CLPB: variants seen among roughly 807,000 people sequenced by gnomAD.
CLPB encodes ClpB family mitochondrial disaggregase, also known as mitochondrial disaggregase.
In CLPB, 40 loss-of-function variants were observed where a neutral mutation model predicts 78.4. The observed-to-expected ratio is 0.51, with a 90% CI of 0.40 to 0.66. CLPB has a LOEUF of 0.66. Ranked by LOEUF, CLPB falls within the 30% of genes least tolerant of loss-of-function variation. The pLI is 0.00. For synonymous variants in CLPB, 333 were observed against 348.0 expected, an observed-to-expected ratio of 0.96 and a Z score of 0.48; for missense variants, 780 against 886.9, an observed-to-expected ratio of 0.88 and a Z score of 1.53.
chr11:72,345,822 C>T (rs747816022), intron 5 of CLPB, among the ~76,000 whole-genome samples: 1 of 152,180 alleles, frequency 6.6e-6, no homozygotes, highest in Non-Finnish European at 1.5e-5. Flanking sequence ...CAGTATTTGA[C>T]TATATACTCT....
At chr11:72,363,500 G>A (rs117421348) in intron 4 of CLPB, 2,506 of 152,330 alleles carry the variant, frequency 0.016, 66 homozygotes, top group Non-Finnish European at 0.019. Context: ...ATGTGAACAT[G>A]TTTCCATGAG....
At chr11:72,298,933 G>A (rs1343163674) in intron 11 of CLPB, among the ~76,000 whole-genome samples, 4 of 152,140 alleles carry the variant, frequency 2.6e-5, no homozygotes, top group East Asian at 1.9e-4. Context: ...TGTGGCTTCC[G>A]TTAACCTCTC....
chr11:72,384,618 A>G (rs1265368031), intron 3 of CLPB, among the ~76,000 whole-genome samples: 1 of 152,186 alleles, frequency 6.6e-6, no homozygotes, highest in South Asian at 2.1e-4. Context: ...GATTAAAAAG[A>G]GTAAGACCCT....
At chr11:72,381,514 C>G (rs976334575) in intron 3 of CLPB, among the ~76,000 whole-genome samples, 1 of 152,180 alleles carries the variant, frequency 6.6e-6, no homozygotes, top group Non-Finnish European at 1.5e-5. Flanking sequence ...CCTACAGACT[C>G]AGGCTTCAGG....
intron 4 of CLPB, among the ~76,000 whole-genome samples, chr11:72,362,827 C>T (rs1950865518): frequency 6.6e-6 from 1 of 152,164 alleles, no homozygotes; most frequent in South Asian, 2.1e-4. Context: ...TTGAGGAATC[C>T]TGCATATACT....
chr11:72,290,353 A>C lies in CLPB; in HGVS notation c.*3014T>G, dbSNP rs1208486281. The C allele has an allele frequency of 6.6e-5, 10 of 152,238 alleles. No homozygotes were observed. The highest frequency in any genetic ancestry group is 1.5e-4 in the Non-Finnish European group (10 of 68,042). 9.4% of individuals were successfully genotyped at this position (152,238 alleles called of 1,614,324 possible). ...AACAGATATCCACTCATTCATACTG[A>C]TATAAATTATCAAATAAATAAATGG... is the stretch of plus-strand genomic sequence containing the variant. On this transcript the variant is annotated 3_prime_UTR_variant, in exon 16 of 16. Transcript: ENST00000538039.
At chr11:72,317,498 T>G (rs556776831) in intron 6 of CLPB, among the ~76,000 whole-genome samples, 1 of 152,234 alleles carries the variant, frequency 6.6e-6, no homozygotes, top group Non-Finnish European at 1.5e-5. Context: ...CAAGCCCAGC[T>G]TTATCACTTA....
Position 72,294,433 on chromosome 11 carries a change from C to G in CLPB, c.1572G>C (p.Arg524=). Residue 524 remains arginine, a synonymous_variant, in exon 14 of 16, where the codon CGG becomes CGC. Coordinates refer to ENST00000538039, the MANE Select transcript of CLPB (RefSeq NM_001258392.3). ...TGATCCGTCCCAGAAACTCATCCCT[C>G]CGGAAGTGAGCCTGAAGGGCCAGGT... ...VIRPILKAHF[R]RDEFLGRINE... is the part of the protein sequence containing the mutation. The G allele has an allele frequency of 6.2e-7, 1 of 1,614,170 alleles. No individual in the cohort carries two copies. The highest frequency in any genetic ancestry group is 1.1e-5 in the South Asian group (1 of 91,086).
chr11:72,335,524 TCCA>T lies in CLPB; in HGVS notation c.776-5723_776-5721del, dbSNP rs200012280. Among the ~76,000 whole-genome samples, 13 of 152,308 alleles carry T rather than the reference TCCA, an allele frequency of 8.5e-5. No individual in the cohort carries two copies. In the East Asian group the frequency reaches 1.9e-3, roughly 23 times the overall value. Reference sequence around the variant, plus strand: ...CCCAGATTCTCTCACCAACCCCACTTCCATCTTGGTTCTGAAAACACCTGTTCA... The same window carrying T: ...CCCAGATTCTCTCACCAACCCCACTTTCTTGGTTCTGAAAACACCTGTTCA... On this transcript the variant is annotated intron_variant, in intron 5 of 15. Coordinates refer to ENST00000538039, the MANE Select transcript of CLPB (RefSeq NM_001258392.3).
chr11:72,301,090 G>A (rs1409592206), intron 11 of CLPB, among the ~76,000 whole-genome samples: 2 of 152,192 alleles, frequency 1.3e-5, no homozygotes, highest in African/African-American at 4.8e-5. Context: ...TTTCTCCCTT[G>A]CCTGTTAGGA....
In CLPB at chr11:72,376,448, C is replaced by T. The variant is rs564870859; in HGVS notation, c.646+3833G>A. On this transcript the variant is annotated intron_variant, in intron 4 of 15. Transcript: ENST00000538039. Reference sequence around the variant, plus strand: ...AGACTATCACTATCCAGGTCCAAGTCGGAACGTTCAGTGCACCAAGTTGGA... The same window carrying T: ...AGACTATCACTATCCAGGTCCAAGTTGGAACGTTCAGTGCACCAAGTTGGA... Among the ~76,000 whole-genome samples, 7 of 151,800 alleles carry T rather than the reference C, an allele frequency of 4.6e-5. No individual in the cohort carries two copies. In the East Asian group the frequency reaches 1.4e-3, roughly 30 times the overall value.
At chr11:72,365,855 A>G (rs1190100766) in intron 4 of CLPB, among the ~76,000 whole-genome samples, 1 of 152,214 alleles carries the variant, frequency 6.6e-6, no homozygotes, top group Non-Finnish European at 1.5e-5. Context: ...GGCTATCCAC[A>G]TGCAGAAGAA....
At chr11:72,392,073 G>T (rs898452697) in intron 3 of CLPB, among the ~76,000 whole-genome samples, 1 of 152,032 alleles carries the variant, frequency 6.6e-6, no homozygotes, top group Non-Finnish European at 1.5e-5. Context: ...TGGGCCAGGC[G>T]CGTGTCAAAG....
At chr11:72,420,931 G>T (rs192138207) in intron 2 of CLPB, among the ~76,000 whole-genome samples, 1 of 152,148 alleles carries the variant, frequency 6.6e-6, no homozygotes, top group African/African-American at 2.4e-5. Flanking sequence ...AGGCCAAGGC[G>T]GGCGGATCAC....
At chr11:72,298,412 A>C (rs1032748076) in intron 11 of CLPB, among the ~76,000 whole-genome samples, 1 of 152,212 alleles carries the variant, frequency 6.6e-6, no homozygotes, top group African/African-American at 2.4e-5. Flanking sequence ...GGTCACGCCA[A>C]GGCCAGGGCT....
intron 7 of CLPB, among the ~76,000 whole-genome samples, chr11:72,309,794 A>G (rs547674091): frequency 6.6e-6 from 1 of 152,242 alleles, no homozygotes; most frequent in African/African-American, 2.4e-5. Flanking sequence ...ATGGAACAGC[A>G]TGTCTGATCT....
At chr11:72,314,767 G>A (rs1407697513) in intron 7 of CLPB, among the ~76,000 whole-genome samples, 1 of 151,900 alleles carries the variant, frequency 6.6e-6, no homozygotes, top group East Asian at 1.9e-4. Context: ...CAGAAGGGAA[G>A]GATTGCAAGC....
intron 3 of CLPB, among the ~76,000 whole-genome samples, chr11:72,384,363 A>T (rs886575153): frequency 3.9e-5 from 6 of 152,244 alleles, no homozygotes; most frequent in African/African-American, 1.4e-4. Context: ...TGACACTAAA[A>T]ATACAGAATA....
chr11:72,367,445 T>G (rs1950964993), intron 4 of CLPB, among the ~76,000 whole-genome samples: 1 of 152,188 alleles, frequency 6.6e-6, no homozygotes, highest in Admixed American at 6.5e-5. Flanking sequence ...ATTACAGGCA[T>G]GAGCTGTGTC....
Sources: allele counts gnomAD v4.1 joint callset (sites outside exome capture counted in the v4.1 genomes callset), GRCh38; gene constraint gnomAD v4.1.1; transcripts MANE v1.5; gene names NCBI Gene and HGNC (gene_info 2026-07-23, HGNC 2026-07-21).